MEF2D: variants seen among roughly 807,000 people sequenced by gnomAD.
The protein encoded by MEF2D is myocyte enhancer factor 2D.
A neutral mutation model predicts 59.3 loss-of-function variants in MEF2D; 10 were observed. The ratio of observed to expected loss-of-function variants is 0.17; its 90% CI spans 0.10 to 0.29. The LOEUF (loss-of-function observed/expected upper bound fraction) is 0.29, where lower values mean the gene tolerates loss of function less well. MEF2D is among the 10% of genes least tolerant of loss of function. MEF2D has a pLI of 1.00. For synonymous variants in MEF2D, 305 were observed against 295.0 expected, an observed-to-expected ratio of 1.03 and a Z score of -0.35; for missense variants, 508 against 699.4, an observed-to-expected ratio of 0.73 and a Z score of 3.09.
intron 3 of MEF2D, 96 bp from the exon 4 acceptor site, chr1:156,481,067 C>T: frequency 6.5e-7 from 1 of 1,546,220 alleles, no homozygotes; most frequent in African/African-American, 1.4e-5. Context: ...CCCTACTCTT[C>T]CCCGACCTCC....
intron 1 of MEF2D, among the ~76,000 whole-genome samples, chr1:156,487,741 A>G (rs111868357): frequency 0.061 from 9,295 of 152,242 alleles, 985 homozygotes; most frequent in African/African-American, 0.21. Context: ...TAATTACCTA[A>G]CCAACTGGCA....
intron 1 of MEF2D, among the ~76,000 whole-genome samples, chr1:156,494,387 G>A (rs147214049): frequency 2.6e-5 from 4 of 152,252 alleles, no homozygotes; most frequent in Admixed American, 2.0e-4. Flanking sequence ...AGAGAATCAC[G>A]AGGGATAAGC....
intron 1 of MEF2D, among the ~76,000 whole-genome samples, chr1:156,491,677 C>A (rs1027677325): frequency 6.6e-6 from 1 of 152,206 alleles, no homozygotes; most frequent in African/African-American, 2.4e-5. Flanking sequence ...AGCAACTAGC[C>A]CAAGGTCACT....
chr1:156,494,943 G>A (rs761922222), intron 1 of MEF2D, among the ~76,000 whole-genome samples: 1 of 152,186 alleles, frequency 6.6e-6, no homozygotes, highest in Non-Finnish European at 1.5e-5. Flanking sequence ...CTGGGCCTGG[G>A]AGGCTCACAT....
chr1:156,479,871 A>C (rs1312358998), intron 4 of MEF2D, 75 bp from the exon 5 acceptor site: 2 of 1,404,382 alleles, frequency 1.4e-6, no homozygotes, highest in Non-Finnish European at 2.0e-6. Context: ...CTGGGAGGGC[A>C]GGCAAGGGTT....
intron 1 of MEF2D, among the ~76,000 whole-genome samples, chr1:156,495,088 GC>G (rs1673051223): frequency 6.6e-6 from 1 of 152,150 alleles, no homozygotes; most frequent in Non-Finnish European, 1.5e-5. Flanking sequence ...ATTTGTTCCT[GC>G]CCTCACACCC....
In MEF2D at chr1:156,477,138, T is replaced by G. The variant is rs1409830759; in HGVS notation, c.729A>C (p.Leu243=). Residue 243 remains leucine (L), a synonymous_variant, in exon 7 of 12, where the codon CTA becomes CTC. Coordinates refer to ENST00000348159, the MANE Select transcript of MEF2D (RefSeq NM_005920.4). ...GAGACTTGGCAGGGATGACCTTGTT[T>G]AGGCTGTTGCCATTGGCCACAGGGA... is the stretch of plus-strand genomic sequence containing the variant. The part of the protein sequence containing the change: ...GLLPVANGNS[L]NKVIPAKSPP... The G allele has an allele frequency of 6.2e-7, 1 of 1,613,948 alleles. No individual in the cohort carries two copies. The highest frequency in any genetic ancestry group is 1.1e-5 in the South Asian group (1 of 91,058).
At chr1:156,491,527 C>T (rs1190945755) in intron 1 of MEF2D, among the ~76,000 whole-genome samples, 2 of 152,192 alleles carry the variant, frequency 1.3e-5, no homozygotes, top group Admixed American at 1.3e-4. Context: ...AACAGATGGC[C>T]AAGGGTTCAC....
At chr1:156,467,919 C>A in intron 11 of MEF2D, 74 bp downstream of exon 11, 1 of 1,511,232 alleles carries the variant, frequency 6.6e-7, no homozygotes, top group South Asian at 1.3e-5. Context: ...GGAAATAAAA[C>A]AGGTTAGGGG....
chr1:156,498,417 G>T (rs1011760613), intron 1 of MEF2D, among the ~76,000 whole-genome samples: 14 of 152,154 alleles, frequency 9.2e-5, no homozygotes, highest in Non-Finnish European at 8.8e-5. Context: ...CCCTTGGACT[G>T]GGGCTTCCAT....
intron 6 of MEF2D, among the ~76,000 whole-genome samples, chr1:156,478,868 T>A (rs1225487447): frequency 6.6e-6 from 1 of 152,160 alleles, no homozygotes; most frequent in Non-Finnish European, 1.5e-5. Context: ...CAAATGCACA[T>A]CTAACATCTG....
intron 6 of MEF2D, among the ~76,000 whole-genome samples, chr1:156,477,801 C>A (rs145216656): frequency 7.1e-4 from 108 of 152,342 alleles, no homozygotes; most frequent in African/African-American, 2.3e-3. Flanking sequence ...GAGAAACAAG[C>A]CATTCACTGT....
At position 156,465,260 on chromosome 1, in the gene MEF2D, T is replaced by G. The variant is rs1322087938; in HGVS notation, c.*2385A>C. On this transcript the variant is annotated 3_prime_UTR_variant, in exon 12 of 12. Coordinates refer to ENST00000348159, the MANE Select transcript of MEF2D (RefSeq NM_005920.4). ...ACTTGAGTTTTGCTCTGAAAGCAGG[T>G]CTGGGGTTGGGGGAAGAGGGTACTC... is the stretch of plus-strand genomic sequence containing the variant. 6.6e-6 allele frequency: 1 copy of G among 152,424 alleles called. No individual in the cohort carries two copies. The highest frequency in any genetic ancestry group is 1.5e-5 in the Non-Finnish European group (1 of 68,256). The allele number at this position is 152,424 out of a possible 1,614,324, so 9.4% of individuals were successfully genotyped here. A position where few individuals can be genotyped will look rare whatever the true frequency, so the allele number is the denominator to read the frequency against.
rs772314515 is a variant in MEF2D at position 156,475,262 on chromosome 1, G to A, written c.877-25C>T. 6.4e-6 allele frequency: 10 copies of A among 1,566,994 alleles called. No homozygotes were observed. The Admixed American group carries it at 9.3e-5, about 15-fold the overall frequency. On this transcript the variant is annotated intron_variant, in intron 8 of 11. Coordinates refer to ENST00000348159, the MANE Select transcript of MEF2D (RefSeq NM_005920.4). ...TCTGTAGGAGAAAACTGTCCGTCAG[G>A]AGGTGGCTGACAGGTGGGCAGCTTT...
In MEF2D at chr1:156,468,894, G is replaced by GGCTGTGGCTGCTGCGGCTGCTGGGGCT; in HGVS notation, c.1106_1132dup (p.Gln369_Gln377dup). ...TGGCTGCGGTGGCTGCTGCTGTGGA[G>GGCTGTGGCTGCTGCGGCTGCTGGGGCT]GCTGTGGCTGCTGCGGCTGCTGGGG... is the stretch of plus-strand genomic sequence containing the variant. On this transcript the variant is annotated inframe_insertion, in exon 10 of 12. Transcript: ENST00000348159. This position sits in a 1 kb window ranked among gnomAD's most constrained non-coding sequence, Gnocchi z 4.3. 1 of 1,613,404 alleles carries GGCTGTGGCTGCTGCGGCTGCTGGGGCT rather than the reference G, an allele frequency of 6.2e-7. No homozygotes were observed. Among genetic ancestry groups the GGCTGTGGCTGCTGCGGCTGCTGGGGCT allele is most frequent in the Middle Eastern group, 1.6e-4 (1 of 6,062 alleles).
chr1:156,483,224 C>A lies in MEF2D; in HGVS notation c.54+15G>T. 6.2e-7 allele frequency: 1 copy of A among 1,614,080 alleles called. No homozygotes were observed. The highest frequency in any genetic ancestry group is 8.5e-7 in the Non-Finnish European group (1 of 1,179,958). On this transcript the variant is annotated intron_variant, in intron 2 of 11. Coordinates refer to ENST00000348159, the MANE Select transcript of MEF2D (RefSeq NM_005920.4). ...CTGCCCTCACCCACTTCGTACGGCT[C>A]TAGGACTTCCCTACCTGTCGGTTCC...
chr1:156,463,853 A>C lies in MEF2D; in HGVS notation c.*3792T>G, dbSNP rs1239702102. On this transcript the variant is annotated 3_prime_UTR_variant, in exon 12 of 12. Transcript: ENST00000348159. ...GTCTTTTCTTATTGTGTAGAATACT[A>C]AGAAAGCATCACCATACAGCACGAA... 6.5e-6 allele frequency: 1 copy of C among 152,672 alleles called. No individual in the cohort carries two copies. The highest frequency in any genetic ancestry group is 2.4e-5 in the African/African-American group (1 of 41,456). 9.5% of individuals were successfully genotyped at this position (152,672 alleles called of 1,614,324 possible). A position where few individuals can be genotyped will look rare whatever the true frequency, so the allele number is the denominator to read the frequency against.
chr1:156,486,664 C>G (rs186992531), intron 1 of MEF2D, among the ~76,000 whole-genome samples: 15 of 152,270 alleles, frequency 9.9e-5, no homozygotes, highest in Admixed American at 8.5e-4. Flanking sequence ...AAAAGTCATT[C>G]TTGCAGTCTT....
chr1:156,499,316 G>C (rs1280069103), intron 1 of MEF2D: 3 of 152,380 alleles, frequency 2.0e-5, no homozygotes, highest in Non-Finnish European at 4.4e-5. Context: ...AATGGGGGTT[G>C]GGCACAGCAA....
Sources: gnomAD v4.1 joint callset for allele counts (sites outside exome capture counted in the v4.1 genomes callset) on GRCh38, gnomAD v4.1.1 for gene constraint, Gnocchi (gnomAD v3.1) non-coding constraint, MANE v1.5 for transcripts, NCBI Gene and HGNC (gene_info 2026-07-23, HGNC 2026-07-21) for gene names.